MDGA2: variants seen among roughly 807,000 people sequenced by gnomAD.
MDGA2 encodes the protein MAM domain containing glycosylphosphatidylinositol anchor 2, also known as MAM domain-containing glycosylphosphatidylinositol anchor protein 2.
In MDGA2, 40 loss-of-function variants were observed where a neutral mutation model predicts 117.8. The ratio of observed to expected loss-of-function variants is 0.34; its 90% CI spans 0.26 to 0.44. The LOEUF (loss-of-function observed/expected upper bound fraction) is 0.44. MDGA2 is among the 20% of genes least tolerant of loss of function. The pLI is 1.00. For synonymous variants in MDGA2, 452 were observed against 439.0 expected (o/e 1.03, Z -0.37); for missense variants, 1,123 against 1,250.6 (o/e 0.90, Z 1.54).
At position 47,151,107 on chromosome 14, in the gene MDGA2, C is replaced by T. The variant is rs561997655; in HGVS notation, c.596-6833G>A. ...GATTCTTTGACGAAGACATGCATTT[C>T]GGAAGTTTGTTGGAGAGTGCCCTCA... On this transcript the variant is annotated intron_variant, in intron 3 of 16. Coordinates refer to ENST00000399232, the MANE Select transcript of MDGA2 (RefSeq NM_001113498.3). Among the ~76,000 whole-genome samples the T allele has an allele frequency of 7.9e-5, 12 of 152,134 alleles. No homozygotes were observed. In the East Asian group the frequency reaches 1.7e-3, roughly 22 times the overall value.
chr14:47,377,398 C>T (rs1012715710), intron 1 of MDGA2, among the ~76,000 whole-genome samples: 7 of 152,146 alleles, frequency 4.6e-5, no homozygotes, highest in African/African-American at 1.4e-4. Context: ...GAGTGTGAGC[C>T]GAAGCAGGGT....
chr14:47,064,770 A>G (rs1890020012), intron 6 of MDGA2, among the ~76,000 whole-genome samples: 1 of 152,118 alleles, frequency 6.6e-6, no homozygotes, highest in Non-Finnish European at 1.5e-5. Context: ...TCAACTGGGC[A>G]GCAGGTTCCT....
At chr14:47,580,700 AT>A (rs924760422) in intron 1 of MDGA2, among the ~76,000 whole-genome samples, 12 of 151,052 alleles carry the variant, frequency 7.9e-5, no homozygotes, top group East Asian at 3.9e-4. Flanking sequence ...CTTGGAAGTC[AT>A]TTTTTTTTCT....
At chr14:47,521,856 G>A (rs1303167178) in intron 1 of MDGA2, among the ~76,000 whole-genome samples, 2 of 151,990 alleles carry the variant, frequency 1.3e-5, no homozygotes, top group African/African-American at 4.8e-5. Flanking sequence ...ATTTTTAGTA[G>A]AGACGAGGTT....
intron 5 of MDGA2, among the ~76,000 whole-genome samples, chr14:47,126,900 A>G (rs546102658): frequency 6.6e-6 from 1 of 152,232 alleles, no homozygotes; most frequent in African/African-American, 2.4e-5. Context: ...TACATCCTGT[A>G]TCATTTGGGC....
chr14:47,162,181 G>A (rs906977475), intron 3 of MDGA2, among the ~76,000 whole-genome samples: 5 of 151,822 alleles, frequency 3.3e-5, no homozygotes, highest in Admixed American at 6.6e-5. Flanking sequence ...TCCCGACCTC[G>A]TGTTCTGCAT....
chr14:46,939,808 C>A lies in MDGA2; in HGVS notation c.2089+17566G>T, dbSNP rs371295855. Reference sequence around the variant, plus strand: ...AGCCACTTTCCCTATAGTAAGCAACCATCAAGTCACGAAGCTACATTTTGA... The same window carrying A: ...AGCCACTTTCCCTATAGTAAGCAACAATCAAGTCACGAAGCTACATTTTGA... On this transcript the variant is annotated intron_variant, in intron 9 of 16. Transcript: ENST00000399232. Among the ~76,000 whole-genome samples, 178 of 152,232 alleles carry A rather than the reference C, an allele frequency of 1.2e-3. 1 individual carries two copies. Among genetic ancestry groups the A allele is most frequent in the African/African-American group, 4.1e-3 (171 of 41,558 alleles).
At chr14:47,522,259 A>G (rs776436225) in intron 1 of MDGA2, among the ~76,000 whole-genome samples, 2 of 152,024 alleles carry the variant, frequency 1.3e-5, no homozygotes, top group Non-Finnish European at 2.9e-5. Flanking sequence ...TCAAAACAAC[A>G]TAATGTTGTG....
chr14:46,850,279 T>C (rs1267215675), intron 15 of MDGA2, among the ~76,000 whole-genome samples: 1 of 151,828 alleles, frequency 6.6e-6, no homozygotes, highest in African/African-American at 2.4e-5. Context: ...AATAAAGATA[T>C]AGATGATGCT....
intron 1 of MDGA2, among the ~76,000 whole-genome samples, chr14:47,435,365 T>C (rs947351568): frequency 1.3e-5 from 2 of 152,114 alleles, no homozygotes; most frequent in Non-Finnish European, 2.9e-5. Context: ...TTGGCTGCTG[T>C]ATACTTTTTC....
intron 7 of MDGA2, among the ~76,000 whole-genome samples, chr14:47,036,902 C>T (rs1888875736): frequency 6.6e-6 from 1 of 152,152 alleles, no homozygotes; most frequent in Admixed American, 6.6e-5. Context: ...ACACTAATTA[C>T]ATAATGCATA....
At chr14:47,323,879 TTAAG>T (rs1217141920) in intron 1 of MDGA2, among the ~76,000 whole-genome samples, 11 of 152,178 alleles carry the variant, frequency 7.2e-5, no homozygotes, top group African/African-American at 2.4e-4. Flanking sequence ...AAAACAAATC[TTAAG>T]TAACTAAATT....
chr14:47,134,270 A>C (rs567732946), intron 4 of MDGA2, among the ~76,000 whole-genome samples: 121 of 152,124 alleles, frequency 8.0e-4, no homozygotes, highest in Middle Eastern at 6.8e-3. Context: ...GACAATTTTT[A>C]AGTTAATACT....
chr14:46,904,146 T>G (rs1883397773), intron 10 of MDGA2, among the ~76,000 whole-genome samples: 1 of 151,944 alleles, frequency 6.6e-6, no homozygotes, highest in South Asian at 2.1e-4. Flanking sequence ...GGTGGATCAC[T>G]TGAGGTCAGG....
chr14:46,845,085 G>A (rs1362043988), intron 16 of MDGA2, among the ~76,000 whole-genome samples: 2 of 152,026 alleles, frequency 1.3e-5, no homozygotes, highest in African/African-American at 2.4e-5. Context: ...GGGTTTCACC[G>A]TCTTAGCCAG....
At chr14:46,899,154 G>C (rs1235857171) in intron 10 of MDGA2, among the ~76,000 whole-genome samples, 1 of 152,008 alleles carries the variant, frequency 6.6e-6, no homozygotes. Flanking sequence ...CATTACTGAA[G>C]ATTTTTCCTC....
rs565346546 is a variant in MDGA2, at chr14:47,300,049, G to A, written c.420+1362C>T. Reference sequence around the variant, plus strand: ...TCTATTTAATGCTTCATTCTGTGATGCTTTATATGCCTATTTTTATCATTT... The same window carrying A: ...TCTATTTAATGCTTCATTCTGTGATACTTTATATGCCTATTTTTATCATTT... On this transcript the variant is annotated intron_variant, in intron 2 of 16. Transcript: ENST00000399232. Among the ~76,000 whole-genome samples the A allele has an allele frequency of 2.2e-4, 33 of 152,084 alleles. No individual in the cohort carries two copies. The South Asian group carries it at 6.4e-3, about 30-fold the overall frequency.
intron 1 of MDGA2, among the ~76,000 whole-genome samples, chr14:47,407,842 T>C (rs1055225186): frequency 4.6e-5 from 7 of 152,132 alleles, no homozygotes; most frequent in African/African-American, 1.7e-4. Flanking sequence ...ATACATTAGT[T>C]AAACAAAACA....
intron 1 of MDGA2, among the ~76,000 whole-genome samples, chr14:47,641,671 G>A (rs1014204579): frequency 6.6e-6 from 1 of 152,118 alleles, no homozygotes; most frequent in African/African-American, 2.4e-5. Context: ...TTATCATAAT[G>A]AGGATATCAA....
Sources: gnomAD v4.1 joint callset for allele counts (sites outside exome capture counted in the v4.1 genomes callset) on GRCh38, gnomAD v4.1.1 for gene constraint, MANE v1.5 for transcripts, NCBI Gene and HGNC (gene_info 2026-07-23, HGNC 2026-07-21) for gene names.